The following NDST4 variants were observed in gnomAD, a reference collection of about 807,000 sequenced individuals.
NDST4 encodes the protein N-heparan sulfate sulfotransferase 4.
NDST4 carries 63 observed loss-of-function variants against 100.8 expected under a neutral mutation model. The observed-to-expected ratio is 0.62, with a 90% CI of 0.51 to 0.77. The LOEUF (loss-of-function observed/expected upper bound fraction) is 0.77, where lower values mean the gene tolerates loss of function less well. Among genes scored for constraint, NDST4 ranks in the 30% least tolerant of loss-of-function variants. The pLI, the probability that NDST4 is intolerant of heterozygous loss-of-function variation, is 0.00. For missense variants in NDST4, 943 were observed against 1,018.4 expected (o/e 0.93, Z 1.01); for synonymous variants, 377 against 361.8 (o/e 1.04, Z -0.48).
At chr4:114,930,562 T>C (rs954896433) in intron 6 of NDST4, among the ~76,000 whole-genome samples, 3 of 152,210 alleles carry the variant, frequency 2.0e-5, no homozygotes, top group Non-Finnish European at 2.9e-5. Context: ...AATTATCTAA[T>C]GTAATTTATT....
At chr4:114,939,713 C>T (rs140914108) in intron 4 of NDST4, among the ~76,000 whole-genome samples, 303 of 150,660 alleles carry the variant, frequency 2.0e-3, no homozygotes, top group Non-Finnish European at 3.7e-3. Flanking sequence ...GCAATTGATT[C>T]GGTGAGTAGG....
At chr4:115,100,375 A>C (rs762880705) in intron 1 of NDST4, among the ~76,000 whole-genome samples, 6 of 152,030 alleles carry the variant, frequency 3.9e-5, no homozygotes, top group Admixed American at 2.6e-4. Context: ...TGATTGTAGG[A>C]GATGGTGGTG....
intron 4 of NDST4, among the ~76,000 whole-genome samples, chr4:114,947,946 G>A (rs1024326334): frequency 6.6e-6 from 1 of 151,976 alleles, no homozygotes; most frequent in Non-Finnish European, 1.5e-5. Flanking sequence ...GTGGAAGAGG[G>A]CTAAATGTCC....
At chr4:114,831,676 A>G (rs1242117992) in intron 12 of NDST4, among the ~76,000 whole-genome samples, 1 of 152,168 alleles carries the variant, frequency 6.6e-6, no homozygotes, top group Non-Finnish European at 1.5e-5. Context: ...GCTTAATACA[A>G]TCAGAGAAAG....
chr4:114,961,556 A>G (rs1726264322), intron 4 of NDST4, among the ~76,000 whole-genome samples: 1 of 152,044 alleles, frequency 6.6e-6, no homozygotes, highest in Non-Finnish European at 1.5e-5. Context: ...AGGTAATACT[A>G]TGAACATTCT....
At chr4:115,063,502 CA>C (rs2126284441) in intron 2 of NDST4, among the ~76,000 whole-genome samples, 1 of 151,938 alleles carries the variant, frequency 6.6e-6, no homozygotes, top group East Asian at 1.9e-4. Flanking sequence ...CTATAAGGAG[CA>C]TGAAAATAGC....
chr4:114,984,121 A>G (rs1334931259), intron 2 of NDST4, among the ~76,000 whole-genome samples: 1 of 151,932 alleles, frequency 6.6e-6, no homozygotes, highest in African/African-American at 2.4e-5. Flanking sequence ...ATGTCTTTAT[A>G]GCAGTGTGAA....
intron 2 of NDST4, among the ~76,000 whole-genome samples, chr4:114,978,877 G>A (rs1400095352): frequency 6.6e-6 from 1 of 151,966 alleles, no homozygotes; most frequent in Admixed American, 6.6e-5. Flanking sequence ...GTGAAATGGG[G>A]TACTTCTGAA....
At chr4:115,107,859 C>T (rs969520352) in intron 1 of NDST4, among the ~76,000 whole-genome samples, 1 of 151,884 alleles carries the variant, frequency 6.6e-6, no homozygotes, top group Non-Finnish European at 1.5e-5. Context: ...TATGTCCAGA[C>T]AGATAGAGTA....
intron 2 of NDST4, among the ~76,000 whole-genome samples, chr4:115,029,087 G>A (rs954098970): frequency 1.3e-5 from 2 of 152,062 alleles, no homozygotes; most frequent in Non-Finnish European, 2.9e-5. Context: ...AACTTAGTCA[G>A]GGTGCAGCAA....
intron 10 of NDST4, among the ~76,000 whole-genome samples, chr4:114,845,437 T>C (rs1395319974): frequency 6.6e-6 from 1 of 152,210 alleles, no homozygotes; most frequent in Non-Finnish European, 1.5e-5. Flanking sequence ...TACTGCGATA[T>C]TTTACTTATT....
intron 6 of NDST4, among the ~76,000 whole-genome samples, chr4:114,933,075 T>C (rs961388824): frequency 6.6e-6 from 1 of 152,130 alleles, no homozygotes. Flanking sequence ...CAAACTATAC[T>C]ACAAAGCTGT....
chr4:114,883,647 A>C (rs1274849536), intron 6 of NDST4, among the ~76,000 whole-genome samples: 1 of 152,130 alleles, frequency 6.6e-6, no homozygotes, highest in East Asian at 1.9e-4. Context: ...TTAAGAAAAC[A>C]AAAACAAGAC....
At chr4:114,877,446 GA>G (rs1163579718) in intron 6 of NDST4, among the ~76,000 whole-genome samples, 1 of 152,134 alleles carries the variant, frequency 6.6e-6, no homozygotes, top group Non-Finnish European at 1.5e-5. Flanking sequence ...ACTTAAGAGA[GA>G]AATGATTGTT....
intron 2 of NDST4, among the ~76,000 whole-genome samples, chr4:114,979,882 G>T (rs1578427784): frequency 6.6e-6 from 1 of 151,990 alleles, no homozygotes; most frequent in Non-Finnish European, 1.5e-5. Flanking sequence ...AGTTTTCAAG[G>T]CTTCCTTGTT....
intron 1 of NDST4, among the ~76,000 whole-genome samples, chr4:115,080,667 C>A (rs186955126): frequency 6.6e-6 from 1 of 151,060 alleles, no homozygotes; most frequent in South Asian, 2.1e-4. Context: ...TTAAAAGATA[C>A]ATATATACAT....
At chr4:114,838,191 A>C (rs1303828136) in intron 11 of NDST4, among the ~76,000 whole-genome samples, 3 of 152,198 alleles carry the variant, frequency 2.0e-5, no homozygotes, top group African/African-American at 7.2e-5. Context: ...GAGAATGTGG[A>C]GAAATAGGAA....
intron 6 of NDST4, among the ~76,000 whole-genome samples, chr4:114,923,193 C>T (rs1252566024): frequency 6.6e-6 from 1 of 152,150 alleles, no homozygotes; most frequent in Non-Finnish European, 1.5e-5. Context: ...TAGGGAAATG[C>T]TAAGCCAGAA....
chr4:114,877,599 C>T (rs1395525762), intron 6 of NDST4, among the ~76,000 whole-genome samples: 1 of 152,152 alleles, frequency 6.6e-6, no homozygotes, highest in South Asian at 2.1e-4. Flanking sequence ...CAAAGAGACA[C>T]ATTTTATTAA....
Sources: allele counts gnomAD v4.1 joint callset (sites outside exome capture counted in the v4.1 genomes callset), GRCh38; gene constraint gnomAD v4.1.1; transcripts MANE v1.5; gene names NCBI Gene and HGNC (gene_info 2026-07-23, HGNC 2026-07-21).